REPS2: variants seen among roughly 807,000 people sequenced by gnomAD.
The protein encoded by REPS2 is ralBP1-associated Eps domain-containing protein 2.
Under a neutral mutation model 53.6 loss-of-function variants are expected in REPS2, and 23 were observed. That is an observed-to-expected ratio of 0.43 (90% CI 0.31 to 0.61). The LOEUF (loss-of-function observed/expected upper bound fraction) is 0.61. Ranked by LOEUF, REPS2 falls within the 20% of genes least tolerant of loss-of-function variation. The probability of loss-of-function intolerance (pLI) is 0.11; values close to 1 mark genes in which losing one functional copy is unlikely to be tolerated. For missense variants in REPS2, 446 were observed against 534.9 expected, an observed-to-expected ratio of 0.83 and a Z score of 1.64; for synonymous variants, 238 against 218.6, an observed-to-expected ratio of 1.09 and a Z score of -0.78.
chrX:17,186,213 T>C, the REPS2 span, among the ~76,000 whole-genome samples: 1 of 112,555 alleles, frequency 8.9e-6, no homozygotes, highest in South Asian at 3.7e-4. Context: ...GAGAACTTAC[T>C]AGGGACACAC....
chrX:17,133,770 A>G (rs773850963), intron 14 of REPS2, 54 bp from the exon 15 acceptor site: 1 of 1,002,851 alleles, frequency 1.0e-6, no homozygotes, highest in South Asian at 1.9e-5. Context: ...TTTATTGTAT[A>G]TTTAGGTGAT....
chrX:17,063,949 C>CACAT (rs2062192716), intron 9 of REPS2, among the ~76,000 whole-genome samples: 1 of 111,008 alleles, frequency 9.0e-6, no homozygotes, highest in Non-Finnish European at 1.9e-5. Context: ...CACACACACA[C>CACAT]ACAGTCTCTC....
At chrX:16,987,826 A>T (rs1286100484) in intron 1 of REPS2, among the ~76,000 whole-genome samples, 1 of 112,605 alleles carries the variant, frequency 8.9e-6, no homozygotes, top group Non-Finnish European at 1.9e-5. Context: ...CTACATATTT[A>T]TTTATTTTCC....
intron 17 of REPS2, among the ~76,000 whole-genome samples, chrX:17,139,992 C>G (rs1326045534): frequency 2.7e-5 from 3 of 111,705 alleles, no homozygotes; most frequent in African/African-American, 9.8e-5. Context: ...CATGATTCTA[C>G]CCACTATATC....
rs1270352852 is a variant in REPS2 at position 17,050,142 on chromosome X, CT to C, written c.908-2237del. Among the ~76,000 whole-genome samples, 5 of 13,490 alleles carry C rather than the reference CT, an allele frequency of 3.7e-4. 1 individual carries two copies. Among genetic ancestry groups the C allele is most frequent in the Non-Finnish European group, 5.0e-4 (4 of 7,927 alleles). The allele number at this position is 13,490 out of a possible 115,157, so 11.7% of individuals were successfully genotyped here. ...TTCTTCTTTCTTTCTTCCTTTCTTCCTTTCTTTCTTTCTTTCTTTCTTTCTT... is the reference window on the plus strand; with the variant it reads ...TTCTTCTTTCTTTCTTCCTTTCTTCCTTCTTTCTTTCTTTCTTTCTTTCTT... On this transcript the variant is annotated intron_variant, in intron 6 of 17. Coordinates refer to ENST00000357277, the MANE Select transcript of REPS2 (RefSeq NM_004726.3).
At chrX:16,995,381 T>C (rs1015254203) in intron 1 of REPS2, among the ~76,000 whole-genome samples, 3 of 112,647 alleles carry the variant, frequency 2.7e-5, no homozygotes, top group Non-Finnish European at 5.6e-5. Flanking sequence ...ACATTTATAA[T>C]ACAAATTGTT....
rs1855267079 is a variant in REPS2, at chrX:17,151,324, T to G, written c.*3843T>G. 1.8e-5 allele frequency: 2 copies of G among 112,698 alleles called. No individual in the cohort carries two copies. The highest frequency in any genetic ancestry group is 1.9e-4 in the Admixed American group (2 of 10,688). The allele number at this position is 112,698 out of a possible 1,213,427, so 9.3% of individuals were successfully genotyped here. ...GCTATCATAAAGCATTCTCTTTAGT[T>G]GTGATTTGATTCTATAGTCTGTTTC... is the stretch of plus-strand genomic sequence containing the variant. On this transcript the variant is annotated 3_prime_UTR_variant, in exon 18 of 18. Coordinates refer to ENST00000357277, the MANE Select transcript of REPS2 (RefSeq NM_004726.3).
the REPS2 span, among the ~76,000 whole-genome samples, chrX:17,183,520 A>T: frequency 8.9e-6 from 1 of 112,456 alleles, no homozygotes; most frequent in Non-Finnish European, 1.9e-5. Flanking sequence ...TCAAGCCAGC[A>T]TATGTGCTGT....
chrX:17,190,595 A>AT, the REPS2 span, among the ~76,000 whole-genome samples: 2 of 112,427 alleles, frequency 1.8e-5, no homozygotes, highest in East Asian at 5.5e-4. Context: ...TTCCAGCAGG[A>AT]TTTTTTTGGG....
the REPS2 span, among the ~76,000 whole-genome samples, chrX:17,182,140 G>GTCTGTCTA: frequency 5.5e-3 from 556 of 101,252 alleles, 2 homozygotes; most frequent in Middle Eastern, 0.01. Context: ...TGCTCTATCT[G>GTCTGTCTA]TCTATCTATC....
At chrX:17,004,798 ATAG>A (rs754363836) in intron 1 of REPS2, among the ~76,000 whole-genome samples, 1 of 111,963 alleles carries the variant, frequency 8.9e-6, no homozygotes, top group Non-Finnish European at 1.9e-5. Context: ...AGTTAACTTG[ATAG>A]TAGATTAACA....
the REPS2 span, among the ~76,000 whole-genome samples, chrX:17,182,654 AT>A: frequency 2.7e-5 from 3 of 112,084 alleles, no homozygotes; most frequent in Non-Finnish European, 5.6e-5. Context: ...CAGAAATAAA[AT>A]TATTTTTGTC....
chrX:17,038,176 C>T (rs1390827626), intron 5 of REPS2, among the ~76,000 whole-genome samples: 1 of 112,459 alleles, frequency 8.9e-6, no homozygotes, highest in Non-Finnish European at 1.9e-5. Context: ...CAAATGATCC[C>T]ACCTATGCAT....
At chrX:17,097,111 CAG>C (rs1218326784) in intron 13 of REPS2, among the ~76,000 whole-genome samples, 2 of 111,469 alleles carry the variant, frequency 1.8e-5, no homozygotes, top group African/African-American at 6.5e-5. Flanking sequence ...TAAAAGCAAC[CAG>C]AGAGAAGATG....
In REPS2 at chrX:16,946,692, C is replaced by G; in HGVS notation, c.-170C>G. ...GCCCGGGGGTGGGGCCGGCGCGCGC[C>G]GGGAGGAAGCGGCCGCGCGGCAGCT... On this transcript the variant is annotated 5_prime_UTR_variant, in exon 1 of 18. Coordinates refer to ENST00000357277, the MANE Select transcript of REPS2 (RefSeq NM_004726.3). 4.3e-6 allele frequency: 2 copies of G among 468,466 alleles called. No individual in the cohort carries two copies. Among genetic ancestry groups the G allele is most frequent in the Non-Finnish European group, 5.2e-6 (2 of 384,668 alleles). 38.6% of individuals were successfully genotyped at this position (468,466 alleles called of 1,213,427 possible). A position where few individuals can be genotyped will look rare whatever the true frequency, so the allele number is the denominator to read the frequency against.
chrX:17,145,007 C>T (rs1171072672), intron 17 of REPS2, among the ~76,000 whole-genome samples: 1 of 111,853 alleles, frequency 8.9e-6, no homozygotes, highest in Non-Finnish European at 1.9e-5. Flanking sequence ...TCTGGAATGG[C>T]ATGCTTGGAA....
intron 6 of REPS2, among the ~76,000 whole-genome samples, chrX:17,048,630 G>A (rs934760423): frequency 8.9e-6 from 1 of 111,979 alleles, no homozygotes; most frequent in African/African-American, 3.2e-5. Context: ...AACACATAAG[G>A]TTGTTTCAGT....
intron 12 of REPS2, among the ~76,000 whole-genome samples, chrX:17,075,182 A>T (rs1055953734): frequency 9.8e-5 from 11 of 112,289 alleles, no homozygotes; most frequent in Non-Finnish European, 1.9e-4. Context: ...ACATTTACTC[A>T]TCCTTTGTAA....
chrX:17,161,480 G>C, the REPS2 span, among the ~76,000 whole-genome samples: 1 of 111,509 alleles, frequency 9.0e-6, no homozygotes, highest in Non-Finnish European at 1.9e-5. Flanking sequence ...AAGGTTTATA[G>C]CTAGCAACAA....
Sources: allele counts gnomAD v4.1 joint callset (sites outside exome capture counted in the v4.1 genomes callset), GRCh38; gene constraint gnomAD v4.1.1; transcripts MANE v1.5; gene names NCBI Gene and HGNC (gene_info 2026-07-23, HGNC 2026-07-21).